Variants in MAST3 observed in about 807,000 individuals in gnomAD.
MAST3 encodes microtubule-associated serine/threonine-protein kinase 3.
In MAST3, 43 loss-of-function variants were observed where a neutral mutation model predicts 127.0. That is an observed-to-expected ratio of 0.34 (90% CI 0.27 to 0.44). MAST3 has a LOEUF of 0.44. Among genes scored for constraint, MAST3 ranks in the 20% least tolerant of loss-of-function variants. MAST3 has a pLI of 1.00. For missense variants in MAST3, 1,390 were observed against 1,919.1 expected (o/e 0.72, Z 5.15); for synonymous variants, 785 against 809.2 (o/e 0.97, Z 0.51).
chr19:18,142,567 G>T (rs1360257077), intron 21 of MAST3, among the ~76,000 whole-genome samples: 2 of 151,400 alleles, frequency 1.3e-5, no homozygotes, highest in African/African-American at 4.9e-5. Context: ...AGCCAGGATG[G>T]TCTCGGTCTC....
At chr19:18,124,562 C>G in intron 10 of MAST3, 80 bp from the exon 11 acceptor site, 10 of 1,491,754 alleles carry the variant, frequency 6.7e-6, no homozygotes, top group Non-Finnish European at 9.0e-6. Context: ...GGGAAGGGTG[C>G]TCCAGGCAGA....
At chr19:18,105,570 G>C (rs1041436179) in intron 1 of MAST3, among the ~76,000 whole-genome samples, 2 of 150,998 alleles carry the variant, frequency 1.3e-5, no homozygotes, top group African/African-American at 4.9e-5. Flanking sequence ...CTACTCTGGA[G>C]GTTGAGGCAG....
intron 17 of MAST3, among the ~76,000 whole-genome samples, chr19:18,135,369 G>A (rs1373131110): frequency 6.6e-6 from 1 of 152,112 alleles, no homozygotes; most frequent in Non-Finnish European, 1.5e-5. Flanking sequence ...GGAGGCTGAG[G>A]CAAGAGAATC....
chr19:18,122,509 G>C (rs1026502696), intron 5 of MAST3, among the ~76,000 whole-genome samples, 164 bp from the exon 6 acceptor site: 3 of 152,100 alleles, frequency 2.0e-5, no homozygotes, highest in African/African-American at 7.2e-5. Context: ...TAAAGAGAGA[G>C]AGCATGCAGT....
At position 18,144,682 on chromosome 19, in the gene MAST3, T is replaced by G; in HGVS notation, c.2801T>G (p.Ile934Ser). Residue 934 changes from isoleucine to serine, a missense_variant, in exon 23 of 28, where the codon ATC (isoleucine) becomes AGC (serine). By Grantham distance (142) the Ile-to-Ser change is moderately radical. This residue lies in a region of MAST3 where 816 missense variants were observed against 934.1 expected (regional missense o/e 0.87). Transcript: ENST00000687212. This position sits in a 1 kb window ranked among gnomAD's most constrained non-coding sequence, Gnocchi z 4.0. Reference protein sequence around the residue: ...KSASVSALSLIITADDGSGGP... With the variant: ...KSASVSALSLSITADDGSGGP... Reference sequence around the variant, plus strand: ...GCCTCTGTCTCTGCCCTGTCCCTCATCATCACGGCAGGTAATGCCCAAGGC... The same window carrying G: ...GCCTCTGTCTCTGCCCTGTCCCTCAGCATCACGGCAGGTAATGCCCAAGGC... 6.2e-7 allele frequency: 1 copy of G among 1,608,356 alleles called. No individual in the cohort carries two copies. The highest frequency in any genetic ancestry group is 8.5e-7 in the Non-Finnish European group (1 of 1,179,828).
Position 18,149,855 on chromosome 19 carries a change from T to A in MAST3, c.*129T>A. The A allele has an allele frequency of 2.2e-6, 3 of 1,360,180 alleles. No individual in the cohort carries two copies. The highest frequency in any genetic ancestry group is 3.0e-6 in the Non-Finnish European group (3 of 1,011,456). 84.3% of individuals were successfully genotyped at this position (1,360,180 alleles called of 1,614,324 possible). ...CCCAGAAGGCGAGAAGCCATCTCGG[T>A]CCTTGCTGGAAGGTGGAGACATCGC... On this transcript the variant is annotated 3_prime_UTR_variant, in exon 28 of 28. Transcript: ENST00000687212. The surrounding 1 kb of genome is among the most constrained non-coding windows in gnomAD (Gnocchi z 5.9).
intron 21 of MAST3, among the ~76,000 whole-genome samples, chr19:18,143,107 G>C (rs2147772511): frequency 2.2e-5 from 1 of 44,600 alleles, no homozygotes; most frequent in East Asian, 6.3e-4. Flanking sequence ...GCGAGACTCT[G>C]TCTCAAAAAA....
At chr19:18,097,940 C>G in intron 1 of MAST3, 109 bp downstream of exon 1, 1 of 870,914 alleles carries the variant, frequency 1.1e-6, no homozygotes, top group East Asian at 3.5e-5. Context: ...GAAACTGAGG[C>G]AGAGGGTGGG....
chr19:18,119,207 G>A (rs904156612), intron 3 of MAST3, among the ~76,000 whole-genome samples: 8 of 152,186 alleles, frequency 5.3e-5, no homozygotes, highest in African/African-American at 1.9e-4. Flanking sequence ...ACATTTGGCC[G>A]TGTTTTCAAG....
intron 17 of MAST3, among the ~76,000 whole-genome samples, 189 bp from the exon 18 acceptor site, chr19:18,135,551 G>C (rs2041808863): frequency 6.6e-6 from 1 of 152,186 alleles, no homozygotes; most frequent in African/African-American, 2.4e-5. Context: ...AAAAGAGAAA[G>C]GTGGCTCTGA....
rs866051463 is a variant in MAST3 at position 18,147,691 on chromosome 19, G to A, written c.3508+67G>A. Reference sequence around the variant, plus strand: ...AGCAAGGGCTGGTGGGCCCCAGGAGGGAGGAAGGAGTTCAGGGGATGGAAT... The same window carrying A: ...AGCAAGGGCTGGTGGGCCCCAGGAGAGAGGAAGGAGTTCAGGGGATGGAAT... On this transcript the variant is annotated intron_variant, in intron 27 of 27. Coordinates refer to ENST00000687212, the MANE Select transcript of MAST3 (RefSeq NM_001393504.1). 7.6e-5 allele frequency: 87 copies of A among 1,150,052 alleles called. 1 individual carries two copies. In the African/African-American group the frequency reaches 1.3e-3, roughly 17 times the overall value. The allele number at this position is 1,150,052 out of a possible 1,614,324, so 71.2% of individuals were successfully genotyped here.
intron 15 of MAST3, among the ~76,000 whole-genome samples, chr19:18,132,868 C>T (rs1180411486): frequency 1.3e-5 from 2 of 152,146 alleles, no homozygotes; most frequent in African/African-American, 2.4e-5. Context: ...TTTGGGAGGC[C>T]AAGGCGGGCG....
intron 3 of MAST3, among the ~76,000 whole-genome samples, chr19:18,111,529 A>ATTTTTT (rs2038620596): frequency 2.4e-5 from 2 of 83,734 alleles, no homozygotes; most frequent in African/African-American, 1.3e-4. Flanking sequence ...CTTTCCACAG[A>ATTTTTT]CTTTTTTTTT....
chr19:18,128,241 G>A (rs1258082866), intron 11 of MAST3, among the ~76,000 whole-genome samples, 159 bp from the exon 12 acceptor site: 1 of 152,196 alleles, frequency 6.6e-6, no homozygotes, highest in African/African-American at 2.4e-5. Flanking sequence ...GCTTCATCCA[G>A]CCTCCCGGAT....
chr19:18,139,824 C>CT (rs1295033100), intron 20 of MAST3, among the ~76,000 whole-genome samples: 7 of 144,228 alleles, frequency 4.9e-5, no homozygotes, highest in East Asian at 2.1e-4. Flanking sequence ...TTTTTTTTTT[C>CT]TTTTTTTTTT....
At chr19:18,121,655 C>T (rs1366743094) in intron 3 of MAST3, 30 bp from the exon 4 acceptor site, 2 of 1,601,122 alleles carry the variant, frequency 1.2e-6, no homozygotes, top group East Asian at 2.2e-5. Context: ...CCTGGGCAGC[C>T]ACCTACCCTG....
In MAST3 at chr19:18,149,155, A is replaced by G; in HGVS notation, c.3509-36A>G. On this transcript the variant is annotated intron_variant, in intron 27 of 27. Coordinates refer to ENST00000687212, the MANE Select transcript of MAST3 (RefSeq NM_001393504.1). This position sits in a 1 kb window ranked among gnomAD's most constrained non-coding sequence, Gnocchi z 5.9. ...CTCCACTTCTGGGCTGGGGACATTG[A>G]GGCCAGCAGCCCTGACCTACGCTTA... The G allele has an allele frequency of 4.2e-6, 6 of 1,442,476 alleles. No homozygotes were observed. Among genetic ancestry groups the G allele is most frequent in the Non-Finnish European group, 5.5e-6 (6 of 1,098,572 alleles). The allele number at this position is 1,442,476 out of a possible 1,614,324, so 89.4% of individuals were successfully genotyped here.
chr19:18,141,529 C>T (rs989720107), intron 20 of MAST3, among the ~76,000 whole-genome samples: 24 of 151,892 alleles, frequency 1.6e-4, no homozygotes, highest in African/African-American at 5.8e-4. Flanking sequence ...TGTGCCACCA[C>T]GCCCAGCTAA....
Position 18,098,549 on chromosome 19 carries a change from C to T in MAST3, c.39+718C>T, listed in dbSNP as rs528713595. 4.6e-5 allele frequency among the ~76,000 whole-genome samples: 7 copies of T among 152,164 alleles called. No individual in the cohort carries two copies. In the South Asian group the frequency reaches 1.2e-3, roughly 27 times the overall value. On this transcript the variant is annotated intron_variant, in intron 1 of 27. Transcript: ENST00000687212. Reference sequence around the variant, plus strand: ...CATCAGGAGGTAGGGACACAGGCGTCGGGGACAGCAGAAGCCTAAGTTTGA... The same window carrying T: ...CATCAGGAGGTAGGGACACAGGCGTTGGGGACAGCAGAAGCCTAAGTTTGA...
Sources: allele counts gnomAD v4.1 joint callset (sites outside exome capture counted in the v4.1 genomes callset), GRCh38; gene constraint gnomAD v4.1.1; regional missense constraint gnomAD v4.1.1; non-coding constraint Gnocchi (gnomAD v3.1); transcripts MANE v1.5; gene names NCBI Gene and HGNC (gene_info 2026-07-23, HGNC 2026-07-21).